PPP3CC: variants seen among roughly 807,000 people sequenced by gnomAD.
The protein encoded by PPP3CC is protein phosphatase 3 catalytic subunit gamma.
Under a neutral mutation model 60.3 loss-of-function variants are expected in PPP3CC, and 35 were observed. The observed-to-expected ratio is 0.58, with a 90% confidence interval of 0.44 to 0.77. The LOEUF (loss-of-function observed/expected upper bound fraction) is 0.77. Ranked by LOEUF, PPP3CC falls within the 30% of genes least tolerant of loss-of-function variation. The pLI is 0.00. For missense variants in PPP3CC, 570 were observed against 628.9 expected (o/e 0.91, Z 1.00); for synonymous variants, 206 against 224.3 (o/e 0.92, Z 0.73).
rs1018637069 is a variant in PPP3CC at position 22,528,433 on chromosome 8, T to G, written c.1070-73T>G. On this transcript the variant is annotated intron_variant, in intron 9 of 13. Transcript: ENST00000240139. The stretch of plus-strand genomic sequence containing the variant: ...ATGCTTACTTAACATGTGTGTTTAT[T>G]TAGATATCCACATTATTTTAGAGAA... 91 of 975,058 alleles carry G rather than the reference T, an allele frequency of 9.3e-5. 2 individuals carry two copies. The South Asian group carries it at 2.1e-3, about 23-fold the overall frequency. 60.4% of individuals were successfully genotyped at this position (975,058 alleles called of 1,614,324 possible). A position where few individuals can be genotyped will look rare whatever the true frequency, so the allele number is the denominator to read the frequency against.
intron 3 of PPP3CC, among the ~76,000 whole-genome samples, chr8:22,489,133 A>G (rs1343218297): frequency 6.6e-6 from 1 of 152,124 alleles, no homozygotes; most frequent in Non-Finnish European, 1.5e-5. Flanking sequence ...TTGGAGCCCA[A>G]AAGCAGGTGC....
intron 1 of PPP3CC, among the ~76,000 whole-genome samples, chr8:22,447,175 A>ATTTTTTT (rs1161858120): frequency 2.6e-5 from 3 of 116,292 alleles, no homozygotes; most frequent in Non-Finnish European, 3.6e-5. Context: ...TGTCCAACTA[A>ATTTTTTT]TTTTTTTTTT....
intron 6 of PPP3CC, among the ~76,000 whole-genome samples, chr8:22,514,831 C>T (rs954718997): frequency 6.6e-6 from 1 of 151,972 alleles, no homozygotes; most frequent in Non-Finnish European, 1.5e-5. Context: ...AGGCACCTAC[C>T]ACCATGCCTG....
chr8:22,492,551 G>T lies in PPP3CC; in HGVS notation c.373-5450G>T, dbSNP rs565297605. 14 of 372,842 alleles carry T rather than the reference G, an allele frequency of 3.8e-5. No individual in the cohort carries two copies. In the East Asian group the frequency reaches 7.0e-4, roughly 19 times the overall value. 23.1% of individuals were successfully genotyped at this position (372,842 alleles called of 1,614,324 possible). A position where few individuals can be genotyped will look rare whatever the true frequency, so the allele number is the denominator to read the frequency against. ...TGTGTGCACCTAATCTCAGCTGGTG[G>T]TCCACCCGAGACCCCCAAGCACCAA... On this transcript the variant is annotated intron_variant, in intron 3 of 13. Coordinates refer to ENST00000240139, the MANE Select transcript of PPP3CC (RefSeq NM_005605.5).
Position 22,475,607 on chromosome 8 carries a change from G to A in PPP3CC, c.355G>A (p.Gly119Ser). 6.2e-7 allele frequency: 1 copy of A among 1,613,104 alleles called. No individual in the cohort carries two copies. The highest frequency in any genetic ancestry group is 8.5e-7 in the Non-Finnish European group (1 of 1,179,416). The part of the protein sequence containing the change: ...YLFLGDYVDR[G>S]YFSIECVLYL... ...CTTTCTGGGTGACTATGTGGACAGA[G>A]GCTATTTCAGTATAGAGGTAAAAAT... The change falls in exon 3 of 14, where the codon GGC becomes AGC. Residue 119 changes from glycine (G) to serine (S), a missense_variant. Transcript: ENST00000240139.
chr8:22,493,722 G>A (rs1015074365), intron 3 of PPP3CC, among the ~76,000 whole-genome samples: 2 of 152,156 alleles, frequency 1.3e-5, no homozygotes, highest in African/African-American at 2.4e-5. Flanking sequence ...TCGTATAACA[G>A]TGCCTTCTGC....
At chr8:22,477,708 T>A (rs1262405518) in intron 3 of PPP3CC, among the ~76,000 whole-genome samples, 1 of 151,818 alleles carries the variant, frequency 6.6e-6, no homozygotes, top group Non-Finnish European at 1.5e-5. Context: ...GTGCGATCAT[T>A]TCGTACCTCA....
intron 1 of PPP3CC, among the ~76,000 whole-genome samples, chr8:22,451,595 A>C (rs1837028436): frequency 6.6e-6 from 1 of 152,098 alleles, no homozygotes; most frequent in Non-Finnish European, 1.5e-5. Context: ...ACATAACCCA[A>C]AGTTTTTTCA....
intron 3 of PPP3CC, among the ~76,000 whole-genome samples, chr8:22,484,576 T>A (rs918946465): frequency 2.6e-5 from 4 of 152,222 alleles, no homozygotes; most frequent in African/African-American, 4.8e-5. Flanking sequence ...GTAGTTTGAG[T>A]CAGTTACCAA....
At chr8:22,540,491 G>C in intron 13 of PPP3CC, 124 bp from the exon 14 acceptor site, 1 of 926,866 alleles carries the variant, frequency 1.1e-6, no homozygotes, top group South Asian at 1.8e-5. Context: ...CACTAGACGT[G>C]TGCTCCATAG....
chr8:22,443,890 T>G (rs911044525), intron 1 of PPP3CC, among the ~76,000 whole-genome samples: 2 of 152,340 alleles, frequency 1.3e-5, no homozygotes, highest in Non-Finnish European at 1.5e-5. Context: ...GGTCTGATGC[T>G]ATCTTGTTTA....
intron 11 of PPP3CC, among the ~76,000 whole-genome samples, 181 bp downstream of exon 11, chr8:22,532,487 TA>T (rs1444578393): frequency 5.3e-5 from 8 of 152,224 alleles, no homozygotes; most frequent in Non-Finnish European, 1.2e-4. Context: ...ATTGATTTGT[TA>T]GTAGCTTAGA....
At chr8:22,448,882 G>GT (rs1836919639) in intron 1 of PPP3CC, among the ~76,000 whole-genome samples, 1 of 152,158 alleles carries the variant, frequency 6.6e-6, no homozygotes, top group Non-Finnish European at 1.5e-5. Context: ...GTGAATCTAG[G>GT]TAAGAGCATA....
chr8:22,495,921 T>C (rs991022116), intron 3 of PPP3CC, among the ~76,000 whole-genome samples: 4 of 152,158 alleles, frequency 2.6e-5, no homozygotes, highest in Non-Finnish European at 5.9e-5. Context: ...GGATTTTTAG[T>C]CATTAGTTAC....
chr8:22,481,858 A>G (rs982584093), intron 3 of PPP3CC, among the ~76,000 whole-genome samples: 2 of 152,146 alleles, frequency 1.3e-5, no homozygotes, highest in African/African-American at 4.8e-5. Flanking sequence ...CTGCAAAGAC[A>G]TGAACTCATC....
intron 3 of PPP3CC, among the ~76,000 whole-genome samples, chr8:22,497,563 T>C (rs1838628276): frequency 2.0e-5 from 3 of 152,176 alleles, no homozygotes; most frequent in Non-Finnish European, 4.4e-5. Context: ...TATCTGCAAA[T>C]AGAGATAGTT....
chr8:22,494,534 C>T (rs1206257908), intron 3 of PPP3CC, among the ~76,000 whole-genome samples: 1 of 152,148 alleles, frequency 6.6e-6, no homozygotes, highest in Admixed American at 6.5e-5. Context: ...CAGAATATTT[C>T]ATAAGTGGTG....
chr8:22,458,063 C>T (rs1464408893), intron 1 of PPP3CC, among the ~76,000 whole-genome samples: 2 of 152,178 alleles, frequency 1.3e-5, no homozygotes, highest in East Asian at 3.9e-4. Flanking sequence ...TGCACTCCAG[C>T]CTGGGCAACA....
intron 3 of PPP3CC, among the ~76,000 whole-genome samples, chr8:22,484,705 C>T (rs1378089151): frequency 6.6e-6 from 1 of 152,166 alleles, no homozygotes. Context: ...AAAGTGTTGC[C>T]ATTCCTTTTA....
Sources: allele counts gnomAD v4.1 joint callset (sites outside exome capture counted in the v4.1 genomes callset), GRCh38; gene constraint gnomAD v4.1.1; transcripts MANE v1.5; gene names NCBI Gene and HGNC (gene_info 2026-07-23, HGNC 2026-07-21).